Variants in IL1RAPL2 observed in about 807,000 individuals in gnomAD.
IL1RAPL2 encodes interleukin 1 receptor accessory protein like 2, also known as X-linked interleukin-1 receptor accessory protein-like 2.
A neutral mutation model predicts 44.1 loss-of-function variants in IL1RAPL2; 3 were observed. The observed-to-expected ratio is 0.07, with a 90% CI of 0.03 to 0.18. The LOEUF is 0.18. Among genes scored for constraint, IL1RAPL2 ranks in the 10% least tolerant of loss-of-function variants. IL1RAPL2 has a pLI of 1.00. For synonymous variants in IL1RAPL2, 181 were observed against 178.8 expected, an observed-to-expected ratio of 1.01 and a Z score of -0.10; for missense variants, 391 against 496.4, an observed-to-expected ratio of 0.79 and a Z score of 2.02.
At chrX:105,518,641 G>A (rs913762496) in intron 6 of IL1RAPL2, among the ~76,000 whole-genome samples, 1 of 111,750 alleles carries the variant, frequency 8.9e-6, no homozygotes, top group African/African-American at 3.2e-5. Context: ...TCTTCTGCGA[G>A]TCTCTTTAGG....
In IL1RAPL2 at chrX:105,281,458, G is replaced by A. The variant is rs756488368; in HGVS notation, c.697+13917G>A. On this transcript the variant is annotated intron_variant, in intron 5 of 10. Transcript: ENST00000372582. Reference sequence around the variant, plus strand: ...TACTTAGTATGATGATTGAGAAATAGTAGGTACTTAATACATCATATTAAT... The same window carrying A: ...TACTTAGTATGATGATTGAGAAATAATAGGTACTTAATACATCATATTAAT... Among the ~76,000 whole-genome samples, 7 of 112,498 alleles carry A rather than the reference G, an allele frequency of 6.2e-5. No individual in the cohort carries two copies. The South Asian group carries it at 2.6e-3, about 42-fold the overall frequency.
chrX:105,767,741 CGTT>C lies in IL1RAPL2; in HGVS notation c.*83_*85del, dbSNP rs1159927174. ...ACCAAGCATAAAGTACACCTAATAA[CGTT>C]GTGTTAAAAAAGTGTTTGAAGAAAA... On this transcript the variant is annotated 3_prime_UTR_variant, in exon 11 of 11. Transcript: ENST00000372582. 3 of 708,333 alleles carry C rather than the reference CGTT, an allele frequency of 4.2e-6. No individual in the cohort carries two copies. Among genetic ancestry groups the C allele is most frequent in the African/African-American group, 4.3e-5 (2 of 46,111 alleles). The allele number at this position is 708,333 out of a possible 1,213,427, so 58.4% of individuals were successfully genotyped here.
intron 2 of IL1RAPL2, among the ~76,000 whole-genome samples, chrX:104,908,118 A>T (rs1300859198): frequency 9.1e-6 from 1 of 110,070 alleles, no homozygotes; most frequent in Non-Finnish European, 1.9e-5. Context: ...AGAGACTAGG[A>T]TTGCAACCCC....
chrX:104,882,667 T>G (rs1416646840), intron 2 of IL1RAPL2, among the ~76,000 whole-genome samples: 4 of 111,789 alleles, frequency 3.6e-5, no homozygotes, highest in African/African-American at 1.3e-4. Flanking sequence ...CAGCAGGACG[T>G]GGATGGGGCC....
chrX:105,421,129 A>G (rs1291466606), intron 5 of IL1RAPL2, among the ~76,000 whole-genome samples: 1 of 111,927 alleles, frequency 8.9e-6, no homozygotes, highest in Non-Finnish European at 1.9e-5. Context: ...TGAGACATCA[A>G]TCAACATATG....
At chrX:105,081,277 T>C in intron 2 of IL1RAPL2, among the ~76,000 whole-genome samples, 1 of 111,622 alleles carries the variant, frequency 9.0e-6, no homozygotes, top group Non-Finnish European at 1.9e-5. Flanking sequence ...GGTGAGAGAC[T>C]GCATCCTTGT....
chrX:105,657,874 C>T (rs191625711), intron 6 of IL1RAPL2, among the ~76,000 whole-genome samples: 23 of 110,303 alleles, frequency 2.1e-4, no homozygotes, highest in African/African-American at 7.3e-4. Flanking sequence ...CTCGGCCTCC[C>T]AAAGTGCTGG....
At chrX:104,668,703 A>G (rs1362742679) in intron 2 of IL1RAPL2, among the ~76,000 whole-genome samples, 1 of 109,033 alleles carries the variant, frequency 9.2e-6, no homozygotes, top group African/African-American at 3.3e-5. Context: ...TTTACAGTAA[A>G]GGAACTTGTT....
chrX:104,628,259 T>C (rs933944807), intron 1 of IL1RAPL2, among the ~76,000 whole-genome samples: 3 of 111,177 alleles, frequency 2.7e-5, no homozygotes, highest in African/African-American at 9.8e-5. Context: ...ATAGTCACCC[T>C]ACTCTGCTAT....
intron 5 of IL1RAPL2, among the ~76,000 whole-genome samples, chrX:105,302,888 T>A (rs749505809): frequency 8.9e-6 from 1 of 112,375 alleles, no homozygotes; most frequent in East Asian, 2.8e-4. Flanking sequence ...CTTTAGCCCA[T>A]GGTGACAGGG....
chrX:105,762,755 T>C (rs925306783), intron 10 of IL1RAPL2, among the ~76,000 whole-genome samples: 3 of 111,809 alleles, frequency 2.7e-5, no homozygotes, highest in Admixed American at 1.9e-4. Context: ...TTAAGGGATA[T>C]CTTATATTTT....
chrX:104,585,370 T>A (rs5962435), intron 1 of IL1RAPL2, among the ~76,000 whole-genome samples: 16 of 21,897 alleles, frequency 7.3e-4, no homozygotes, highest in Admixed American at 1.7e-3. Context: ...ATTATATATA[T>A]TATATATAAT....
chrX:105,162,263 A>G (rs1306093003), intron 2 of IL1RAPL2, among the ~76,000 whole-genome samples: 1 of 112,165 alleles, frequency 8.9e-6, no homozygotes, highest in African/African-American at 3.2e-5. Context: ...TGCTGTGAGG[A>G]AGAAAACAAA....
intron 2 of IL1RAPL2, among the ~76,000 whole-genome samples, chrX:104,786,002 G>C (rs1330151699): frequency 8.9e-6 from 1 of 112,301 alleles, no homozygotes; most frequent in Non-Finnish European, 1.9e-5. Context: ...TTTGACATCT[G>C]CTCTTCAGAA....
At chrX:105,443,283 T>A (rs1326850790) in intron 5 of IL1RAPL2, among the ~76,000 whole-genome samples, 2 of 111,635 alleles carry the variant, frequency 1.8e-5, no homozygotes, top group African/African-American at 6.5e-5. Context: ...GACAAGCAAT[T>A]TGTTATAATC....
At chrX:105,477,184 G>A (rs1195584004) in intron 5 of IL1RAPL2, among the ~76,000 whole-genome samples, 2 of 111,748 alleles carry the variant, frequency 1.8e-5, no homozygotes, top group African/African-American at 6.5e-5. Flanking sequence ...GGGCAAAGGA[G>A]ATATATTGTA....
At chrX:104,854,679 T>C (rs963597294) in intron 2 of IL1RAPL2, among the ~76,000 whole-genome samples, 1 of 109,633 alleles carries the variant, frequency 9.1e-6, no homozygotes, top group African/African-American at 3.3e-5. Context: ...CCTTTGGAGA[T>C]GCTATAGTAG....
intron 2 of IL1RAPL2, among the ~76,000 whole-genome samples, chrX:104,677,577 G>T (rs925346844): frequency 8.9e-6 from 1 of 112,529 alleles, no homozygotes; most frequent in African/African-American, 3.2e-5. Context: ...CCCCAGAGGT[G>T]GAGCCTACAG....
chrX:105,419,194 G>A (rs1464475472), intron 5 of IL1RAPL2, among the ~76,000 whole-genome samples: 1 of 111,693 alleles, frequency 9.0e-6, no homozygotes, highest in Non-Finnish European at 1.9e-5. Context: ...AAACATCTAT[G>A]TTATAAAGAA....
Sources: gnomAD v4.1 joint callset for allele counts (sites outside exome capture counted in the v4.1 genomes callset) on GRCh38, gnomAD v4.1.1 for gene constraint, MANE v1.5 for transcripts, NCBI Gene and HGNC (gene_info 2026-07-23, HGNC 2026-07-21) for gene names.